The following ASB2 variants were observed in gnomAD, a reference collection of about 807,000 sequenced individuals.
The protein encoded by ASB2 is ankyrin repeat and SOCS box containing 2.
ASB2 carries 58 observed loss-of-function variants against 62.4 expected under a neutral mutation model. That is an observed-to-expected ratio of 0.93 (90% CI 0.75 to 1.16). The LOEUF is 1.16. ASB2 is among the 50% of genes most tolerant of loss of function. The pLI is 0.00. For synonymous variants in ASB2, 386 were observed against 385.3 expected, an observed-to-expected ratio of 1.00 and a Z score of -0.02; for missense variants, 928 against 887.9, an observed-to-expected ratio of 1.05 and a Z score of -0.57.
intron 7 of ASB2, 23 bp from the exon 8 acceptor site, chr14:93,939,695 C>CGGGTGA: frequency 8.8e-7 from 1 of 1,137,984 alleles, no homozygotes; most frequent in Non-Finnish European, 1.1e-6. Context: ...GGGGCGGGCG[C>CGGGTGA]GGGTGAGGGG....
At chr14:93,955,053 C>G (rs1453862156) in intron 3 of ASB2, 1 of 456,658 alleles carries the variant, frequency 2.2e-6, no homozygotes, top group African/African-American at 2.0e-5. Context: ...TGTTAAAGTC[C>G]CTTTGTTCAT....
At chr14:93,949,155 G>T (rs1888852190) in intron 6 of ASB2, among the ~76,000 whole-genome samples, 1 of 152,192 alleles carries the variant, frequency 6.6e-6, no homozygotes, top group Non-Finnish European at 1.5e-5. Context: ...GAACTAAGAT[G>T]CTTGAAGATG....
At chr14:93,937,158 G>T (rs1807146270) in intron 9 of ASB2, among the ~76,000 whole-genome samples, 1 of 152,220 alleles carries the variant, frequency 6.6e-6, no homozygotes, top group South Asian at 2.1e-4. Flanking sequence ...GGGTTCAGGG[G>T]CCTGTCTCCC....
chr14:93,953,706 C>A (rs368594755), intron 4 of ASB2, among the ~76,000 whole-genome samples, 199 bp from the exon 5 acceptor site: 3 of 152,230 alleles, frequency 2.0e-5, no homozygotes, highest in East Asian at 3.8e-4. Context: ...TCAGATGCCA[C>A]GTCCTCTGAG....
At chr14:93,951,579 G>A (rs774766990) in intron 5 of ASB2, among the ~76,000 whole-genome samples, 5 of 152,218 alleles carry the variant, frequency 3.3e-5, no homozygotes, top group Admixed American at 6.5e-5. Flanking sequence ...TAAGGAAGGT[G>A]AGGCACAGAG....
chr14:93,939,070 A>G, intron 8 of ASB2, 38 bp downstream of exon 8: 1 of 1,420,778 alleles, frequency 7.0e-7, no homozygotes, highest in Non-Finnish European at 9.2e-7. Flanking sequence ...GGCCACACCC[A>G]AAAGGCGTGC....
chr14:93,955,457 G>A (rs528467359), intron 3 of ASB2: 4 of 221,334 alleles, frequency 1.8e-5, no homozygotes, highest in East Asian at 1.0e-4. Flanking sequence ...CATCAGCACC[G>A]TCACTGCCAC....
intron 1 of ASB2, 73 bp from the exon 2 acceptor site, chr14:93,964,685 T>A: frequency 1.4e-6 from 1 of 708,944 alleles, no homozygotes; most frequent in Non-Finnish European, 2.4e-6. Flanking sequence ...CAGGGAAGGG[T>A]ATGCATTTCA....
chr14:93,962,767 G>T (rs1889456003), intron 2 of ASB2, among the ~76,000 whole-genome samples: 1 of 152,186 alleles, frequency 6.6e-6, no homozygotes, highest in Admixed American at 6.5e-5. Context: ...GGACGTGCTG[G>T]CTTCATGCAG....
chr14:93,935,319 A>G (rs1445923871), intron 9 of ASB2, among the ~76,000 whole-genome samples: 2 of 152,188 alleles, frequency 1.3e-5, no homozygotes, highest in Admixed American at 6.5e-5. Flanking sequence ...CTCCCCCAGG[A>G]GCCACGTAGT....
intron 2 of ASB2, among the ~76,000 whole-genome samples, chr14:93,961,802 C>G (rs1167872865): frequency 6.6e-6 from 1 of 152,154 alleles, no homozygotes; most frequent in East Asian, 1.9e-4. Flanking sequence ...ATTTGGGGAC[C>G]CTGGGCCTCT....
At chr14:93,936,207 A>G (rs1329480988) in intron 9 of ASB2, among the ~76,000 whole-genome samples, 2 of 152,254 alleles carry the variant, frequency 1.3e-5, no homozygotes, top group African/African-American at 4.8e-5. Context: ...TCAATGTTGT[A>G]GCATTAAACA....
intron 3 of ASB2, 85 bp downstream of exon 3, chr14:93,956,681 C>T (rs773272448): frequency 1.7e-4 from 260 of 1,557,684 alleles, no homozygotes; most frequent in Middle Eastern, 4.4e-4. Flanking sequence ...CTCCTGGGGG[C>T]TGTGGGCCTG....
At chr14:93,953,207 G>T in intron 5 of ASB2, 145 bp downstream of exon 5, 1 of 724,212 alleles carries the variant, frequency 1.4e-6, no homozygotes, top group Non-Finnish European at 2.2e-6. Context: ...AATACATGCA[G>T]GAATGAATGA....
intron 7 of ASB2, chr14:93,941,416 T>A (rs1888515044): frequency 6.3e-6 from 2 of 315,284 alleles, no homozygotes; most frequent in South Asian, 4.9e-5. Context: ...CCTGGAAATC[T>A]GATGCCAGCG....
At chr14:93,950,467 A>G (rs1217960920) in intron 6 of ASB2, among the ~76,000 whole-genome samples, 1 of 152,214 alleles carries the variant, frequency 6.6e-6, no homozygotes, top group Non-Finnish European at 1.5e-5. Flanking sequence ...CTCTGCCACT[A>G]ATTTGCTGTG....
chr14:93,942,746 G>C (rs1245119498), intron 7 of ASB2, among the ~76,000 whole-genome samples: 2 of 152,164 alleles, frequency 1.3e-5, no homozygotes, highest in African/African-American at 2.4e-5. Flanking sequence ...GGGGTACATG[G>C]GTTACACACC....
In ASB2 at chr14:93,949,429, G is replaced by A. The variant is rs535142378; in HGVS notation, c.880+1570C>T. 4.6e-5 allele frequency among the ~76,000 whole-genome samples: 7 copies of A among 152,284 alleles called. No homozygotes were observed. In the South Asian group the frequency reaches 6.2e-4, roughly 14 times the overall value. ...CCAGGGATAATAGTACCTACCCCTC[G>A]GGGTTACTGCAGGGAGTAAACAAAA... On this transcript the variant is annotated intron_variant, in intron 6 of 9. Transcript: ENST00000555019.
chr14:93,975,232 C>T (rs1054954440), intron 1 of ASB2, among the ~76,000 whole-genome samples: 2 of 152,274 alleles, frequency 1.3e-5, no homozygotes, highest in Non-Finnish European at 2.9e-5. Flanking sequence ...AAGAGCATTC[C>T]TGTCCTGTGC....
Sources: allele counts gnomAD v4.1 joint callset (sites outside exome capture counted in the v4.1 genomes callset), GRCh38; gene constraint gnomAD v4.1.1; transcripts MANE v1.5; gene names NCBI Gene and HGNC (gene_info 2026-07-23, HGNC 2026-07-21).